GTF3C1: variants seen among roughly 807,000 people sequenced by gnomAD.
The protein encoded by GTF3C1 is general transcription factor IIIC subunit 1, also known as general transcription factor 3C polypeptide 1.
Under a neutral mutation model 226.7 loss-of-function variants are expected in GTF3C1, and 57 were observed. The ratio of observed to expected loss-of-function variants is 0.25; its 90% CI spans 0.20 to 0.31. GTF3C1 has a LOEUF of 0.31. Among genes scored for constraint, GTF3C1 ranks in the 10% least tolerant of loss-of-function variants. The pLI, the probability that GTF3C1 is intolerant of heterozygous loss-of-function variation, is 1.00. For missense variants in GTF3C1, 2,217 were observed against 2,776.1 expected (o/e 0.80, Z 4.53); for synonymous variants, 1,090 against 1,084.8 (o/e 1.00, Z -0.09).
At chr16:27,484,116 C>A (rs901649783) in intron 25 of GTF3C1, 95 bp downstream of exon 25, 2 of 940,036 alleles carry the variant, frequency 2.1e-6, no homozygotes, top group Admixed American at 1.8e-5. Flanking sequence ...CCATCAGACA[C>A]CTCAGTGTGC....
At chr16:27,535,108 T>C (rs1160075809) in intron 4 of GTF3C1, among the ~76,000 whole-genome samples, 1 of 152,208 alleles carries the variant, frequency 6.6e-6, no homozygotes, top group Non-Finnish European at 1.5e-5. Context: ...TTACAGACCA[T>C]ACACGGTGCC....
chr16:27,478,454 T>C lies in GTF3C1; in HGVS notation c.4259+15A>G. On this transcript the variant is annotated intron_variant, in intron 28 of 36. Coordinates refer to ENST00000356183, the MANE Select transcript of GTF3C1 (RefSeq NM_001520.4). ...AAGCAGCTGAGGAAAAGCTACTCTATATATCAGTACTTACCTGTTAAGTTC... is the reference window on the plus strand; with the variant it reads ...AAGCAGCTGAGGAAAAGCTACTCTACATATCAGTACTTACCTGTTAAGTTC... 2 of 1,542,458 alleles carry C rather than the reference T, an allele frequency of 1.3e-6. No individual in the cohort carries two copies. Among genetic ancestry groups the C allele is most frequent in the Non-Finnish European group, 1.8e-6 (2 of 1,114,550 alleles).
chr16:27,487,925 A>C (rs777228301), intron 23 of GTF3C1, among the ~76,000 whole-genome samples: 1 of 152,098 alleles, frequency 6.6e-6, no homozygotes, highest in Non-Finnish European at 1.5e-5. Flanking sequence ...GCTGTTGCTG[A>C]CATTTTTTTC....
chr16:27,538,026 T>C, intron 3 of GTF3C1, 99 bp from the exon 4 acceptor site: 1 of 1,404,248 alleles, frequency 7.1e-7, no homozygotes, highest in Non-Finnish European at 9.8e-7. Flanking sequence ...ACAAACCTCC[T>C]GTCCAGCCAA....
At chr16:27,544,629 TAGGA>T (rs1036810642) in intron 2 of GTF3C1, among the ~76,000 whole-genome samples, 1 of 151,008 alleles carries the variant, frequency 6.6e-6, no homozygotes, top group Non-Finnish European at 1.5e-5. Flanking sequence ...CCCTGTAAAG[TAGGA>T]AGGAAGGCAG....
rs1338673984 is a variant in GTF3C1, at chr16:27,471,495, CGA to C, written c.4526+251_4526+252del. 11 of 476,074 alleles carry C rather than the reference CGA, an allele frequency of 2.3e-5. No homozygotes were observed. The highest frequency in any genetic ancestry group is 1.7e-4 in the Admixed American group (5 of 28,648). The allele number at this position is 476,074 out of a possible 1,614,324, so 29.5% of individuals were successfully genotyped here. A position where few individuals can be genotyped will look rare whatever the true frequency, so the allele number is the denominator to read the frequency against. ...TGCAAACTGATTTCACTCCATCTGA[CGA>C]GAGAAACGGAAACAAACCACCTGCA... On this transcript the variant is annotated intron_variant, in intron 30 of 36. Transcript: ENST00000356183. This position sits in a 1 kb window ranked among gnomAD's most constrained non-coding sequence, Gnocchi z 5.0.
At position 27,471,786 on chromosome 16, in the gene GTF3C1, G is replaced by A. The variant is rs148652312; in HGVS notation, c.4488C>T (p.Phe1496=). The change falls in exon 30 of 37, where the codon TTC becomes TTT. Residue 1496 remains phenylalanine (F), a synonymous_variant. Coordinates refer to ENST00000356183, the MANE Select transcript of GTF3C1 (RefSeq NM_001520.4). This position sits in a 1 kb window ranked among gnomAD's most constrained non-coding sequence, Gnocchi z 5.0. ...LGPKKNRALP[F]VPMSYQLSQT... ...GGGATAGCTGGTAGGACATTGGCAC[G>A]AAGGGGAGGGCCCGGTTCTTCTTGG... 1,521 of 1,614,128 alleles carry A rather than the reference G, an allele frequency of 9.4e-4. 3 individuals carry two copies. Among genetic ancestry groups the A allele is most frequent in the Admixed American group, 1.5e-3 (90 of 60,026 alleles).
At chr16:27,546,048 A>G (rs1596667828) in intron 1 of GTF3C1, among the ~76,000 whole-genome samples, 1 of 152,040 alleles carries the variant, frequency 6.6e-6, no homozygotes, top group Non-Finnish European at 1.5e-5. Flanking sequence ...ACGGTTCACC[A>G]TGTTGGTCAG....
chr16:27,539,148 TGTTAAGTAAATGAACCAGCCCA>T (rs1402382842), intron 2 of GTF3C1, among the ~76,000 whole-genome samples: 1 of 152,088 alleles, frequency 6.6e-6, no homozygotes, highest in Non-Finnish European at 1.5e-5. Flanking sequence ...TGTGTATATT[TGTTAAGTAAATGAACCAGCCCA>T]GTGAGCTGGA....
At chr16:27,537,665 C>G in intron 4 of GTF3C1, 119 bp downstream of exon 4, 1 of 699,576 alleles carries the variant, frequency 1.4e-6, no homozygotes, top group South Asian at 2.1e-5. Flanking sequence ...ACCTCAGCCT[C>G]CCAAAGGGCT....
At chr16:27,493,606 A>G (rs1223951141) in intron 16 of GTF3C1, among the ~76,000 whole-genome samples, 3 of 152,218 alleles carry the variant, frequency 2.0e-5, no homozygotes, top group East Asian at 3.8e-4. Context: ...AAACAAGAAA[A>G]GATGAGATAG....
chr16:27,490,070 G>T (rs948441089), intron 19 of GTF3C1, among the ~76,000 whole-genome samples: 1 of 152,190 alleles, frequency 6.6e-6, no homozygotes, highest in African/African-American at 2.4e-5. Flanking sequence ...GGAAACCCAG[G>T]CCTTCCTGCC....
At chr16:27,501,096 A>C in intron 12 of GTF3C1, 95 bp downstream of exon 12, 1 of 995,600 alleles carries the variant, frequency 1.0e-6, no homozygotes, top group Admixed American at 2.1e-5. Flanking sequence ...CTGGTAATAA[A>C]GCAACTACCA....
chr16:27,523,767 C>T (rs1045980235), intron 6 of GTF3C1, among the ~76,000 whole-genome samples: 2 of 152,152 alleles, frequency 1.3e-5, no homozygotes, highest in African/African-American at 2.4e-5. Flanking sequence ...AACTGGGCTA[C>T]GGCGTGCCAT....
At position 27,513,639 on chromosome 16, in the gene GTF3C1, G is replaced by A. The variant is rs9924603; in HGVS notation, c.974-1738C>T. 2.6e-3 allele frequency among the ~76,000 whole-genome samples: 394 copies of A among 152,232 alleles called. 2 individuals carry two copies. The highest frequency in any genetic ancestry group is 9.0e-3 in the African/African-American group (374 of 41,542). ...GAATGAATTCTCTTCTAAAGCCTCC[G>A]GAAGGAACACTGCCCCGCAAACATC... On this transcript the variant is annotated intron_variant, in intron 6 of 36. Transcript: ENST00000356183.
chr16:27,505,690 A>C (rs760979380), intron 10 of GTF3C1, among the ~76,000 whole-genome samples: 1 of 152,262 alleles, frequency 6.6e-6, no homozygotes, highest in Non-Finnish European at 1.5e-5. Context: ...GTGGATAACC[A>C]TGCAGACAAT....
At chr16:27,484,816 A>G (rs541181125) in intron 24 of GTF3C1, among the ~76,000 whole-genome samples, 1 of 152,368 alleles carries the variant, frequency 6.6e-6, no homozygotes, top group South Asian at 2.1e-4. Context: ...CATCTTGGTC[A>G]ATAACACAGG....
intron 23 of GTF3C1, among the ~76,000 whole-genome samples, chr16:27,486,975 G>C (rs933437930): frequency 1.3e-5 from 2 of 152,228 alleles, no homozygotes; most frequent in Non-Finnish European, 2.9e-5. Context: ...TGAACCTTGA[G>C]AGCGTAGCCA....
Position 27,465,406 on chromosome 16 carries a change from C to A in GTF3C1, c.5209G>T (p.Glu1737Ter). 1 of 1,614,088 alleles carries A rather than the reference C, an allele frequency of 6.2e-7. No homozygotes were observed. Among genetic ancestry groups the A allele is most frequent in the Non-Finnish European group, 8.5e-7 (1 of 1,180,018 alleles). ...ATCTCCAAGGCAGCAGTCAGGTCTT[C>A]GGGACTATACCCAGACAGCTCCAGC... ...LQLELSGYSP[E>*]DLTAALEILE... The change falls in exon 33 of 37, where the codon GAA becomes TAA. Residue 1737 changes from glutamate (E) to a stop codon, truncating the protein, a stop_gained. Transcript: ENST00000356183. LOFTEE classifies it high-confidence loss of function.
Sources: gnomAD v4.1 joint callset for allele counts (sites outside exome capture counted in the v4.1 genomes callset) on GRCh38, gnomAD v4.1.1 for gene constraint, Gnocchi (gnomAD v3.1) non-coding constraint, MANE v1.5 for transcripts, NCBI Gene and HGNC (gene_info 2026-07-23, HGNC 2026-07-21) for gene names.